Variants in CNGA1 observed in about 807,000 individuals in gnomAD.
CNGA1 encodes cyclic nucleotide gated channel subunit alpha 1, also known as cyclic nucleotide-gated channel alpha-1.
Under a neutral mutation model 69.7 loss-of-function variants are expected in CNGA1, and 53 were observed. The observed-to-expected ratio is 0.76, with a 90% CI of 0.61 to 0.96. CNGA1 has a LOEUF of 0.96. Among genes scored for constraint, CNGA1 ranks in the 40% least tolerant of loss-of-function variants. CNGA1 has a pLI of 0.00. For missense variants in CNGA1, 739 were observed against 811.2 expected (o/e 0.91, Z 1.08); for synonymous variants, 249 against 283.5 (o/e 0.88, Z 1.22).
chr4:47,991,385 G>A (rs1034726914), intron 2 of CNGA1, among the ~76,000 whole-genome samples: 2 of 152,188 alleles, frequency 1.3e-5, no homozygotes, highest in African/African-American at 2.4e-5. Flanking sequence ...ATTTCGCATT[G>A]TGGTTTTGAT....
Position 48,000,938 on chromosome 4 carries a change from G to A in CNGA1, c.-123+9856C>T, listed in dbSNP as rs1440227278. 4.6e-5 allele frequency among the ~76,000 whole-genome samples: 7 copies of A among 152,086 alleles called. No homozygotes were observed. The East Asian group carries it at 1.3e-3, about 29-fold the overall frequency. ...CAAACAAAAACTGGGAGAACTTATT[G>A]CCAGCAAATCTACATTATAGGAAAT... On this transcript the variant is annotated intron_variant, in intron 2 of 10. Transcript: ENST00000514170.
chr4:48,012,383 A>T (rs1715201336), intron 1 of CNGA1, among the ~76,000 whole-genome samples: 1 of 152,112 alleles, frequency 6.6e-6, no homozygotes, highest in South Asian at 2.1e-4. Flanking sequence ...AAAAAAAACA[A>T]AGGCACAACC....
chr4:48,012,394 T>G (rs1466662122), intron 1 of CNGA1, among the ~76,000 whole-genome samples: 1 of 152,084 alleles, frequency 6.6e-6, no homozygotes, highest in Non-Finnish European at 1.5e-5. Context: ...AGGCACAACC[T>G]TAGCTATCGG....
At chr4:47,979,004 GTAGCTATAT>G (rs1399460720) in intron 3 of CNGA1, among the ~76,000 whole-genome samples, 1 of 152,084 alleles carries the variant, frequency 6.6e-6, no homozygotes, top group African/African-American at 2.4e-5. Context: ...AGACTATCAA[GTAGCTATAT>G]TAGCATTGTT....
chr4:47,990,727 T>C (rs1222741749), intron 2 of CNGA1, among the ~76,000 whole-genome samples: 5 of 152,160 alleles, frequency 3.3e-5, no homozygotes, highest in African/African-American at 1.2e-4. Context: ...GAGGCCCAGC[T>C]GTAAAATTTC....
chr4:48,015,196 C>CCAAA (rs769220424), intron 1 of CNGA1, among the ~76,000 whole-genome samples: 1,850 of 152,104 alleles, frequency 0.012, 18 homozygotes, highest in Non-Finnish European at 0.014. Context: ...CCAAACCAAG[C>CCAAA]CAAACAAACA....
intron 2 of CNGA1, among the ~76,000 whole-genome samples, chr4:47,992,602 A>G (rs1380562631): frequency 1.3e-5 from 2 of 152,058 alleles, no homozygotes; most frequent in African/African-American, 2.4e-5. Context: ...AAACAATCAT[A>G]CCATCAGCAA....
intron 3 of CNGA1, among the ~76,000 whole-genome samples, chr4:47,956,626 C>CTT (rs1222551318): frequency 6.6e-6 from 1 of 152,102 alleles, no homozygotes; most frequent in Non-Finnish European, 1.5e-5. Context: ...TGAACAAATT[C>CTT]TTTTCCTGAT....
At chr4:47,965,779 T>G (rs1049029873) in intron 3 of CNGA1, among the ~76,000 whole-genome samples, 1 of 152,146 alleles carries the variant, frequency 6.6e-6, no homozygotes, top group Non-Finnish European at 1.5e-5. Flanking sequence ...TAGTATTTTA[T>G]TTTGAATTTT....
At chr4:47,964,381 C>G (rs950850980) in intron 3 of CNGA1, among the ~76,000 whole-genome samples, 1 of 152,116 alleles carries the variant, frequency 6.6e-6, no homozygotes, top group African/African-American at 2.4e-5. Context: ...ATGAGTCCTT[C>G]TCTTGTCCTA....
chr4:47,943,442 T>C, intron 6 of CNGA1, 30 bp from the exon 7 acceptor site: 1 of 1,243,410 alleles, frequency 8.0e-7, no homozygotes. Flanking sequence ...ATCTGTCACA[T>C]AATCACAGTC....
chr4:47,947,730 A>C (rs1352199701), intron 6 of CNGA1, among the ~76,000 whole-genome samples: 4 of 152,190 alleles, frequency 2.6e-5, no homozygotes. Flanking sequence ...ATACATGTGT[A>C]AAAGGACTCG....
chr4:47,965,589 G>A (rs1740681397), intron 3 of CNGA1, among the ~76,000 whole-genome samples: 2 of 151,878 alleles, frequency 1.3e-5, no homozygotes. Context: ...ACCAGGCCCG[G>A]CTAATTTTTG....
At position 47,984,403 on chromosome 4, in the gene CNGA1, A is replaced by C. The variant is rs1446000061; in HGVS notation, c.-122-2903T>G. Among the ~76,000 whole-genome samples the C allele has an allele frequency of 3.9e-5, 6 of 152,178 alleles. No individual in the cohort carries two copies. In the South Asian group the frequency reaches 1.2e-3, roughly 32 times the overall value. On this transcript the variant is annotated intron_variant, in intron 2 of 10. Transcript: ENST00000514170. ...GAGGTGGAGGCAGGTGGATCACACA[A>C]GGTCAGAATTTTGAGACCAGCCTGG...
intron 2 of CNGA1, among the ~76,000 whole-genome samples, chr4:47,991,318 C>A (rs1167226975): frequency 6.6e-6 from 1 of 152,164 alleles, no homozygotes; most frequent in Admixed American, 6.6e-5. Context: ...ATGCAAACAT[C>A]TACTATTTTC....
intron 3 of CNGA1, among the ~76,000 whole-genome samples, chr4:47,975,408 C>T (rs1420531718): frequency 6.6e-6 from 1 of 152,150 alleles, no homozygotes; most frequent in Non-Finnish European, 1.5e-5. Flanking sequence ...TAATCATTAT[C>T]ATCATCTTCA....
intron 3 of CNGA1, among the ~76,000 whole-genome samples, chr4:47,962,759 C>T (rs1319003850): frequency 1.3e-5 from 2 of 151,994 alleles, no homozygotes; most frequent in Non-Finnish European, 2.9e-5. Flanking sequence ...ATGAGAAATC[C>T]AAAACATATT....
chr4:47,952,643 G>T lies in CNGA1; in HGVS notation c.47C>A (p.Pro16His). ...TTCAATATCTGGTACAATCACATTG[G>T]GCATGGTTACAAAAGACTGCTGTGT... The part of the protein sequence containing the change: ...INTQQSFVTM[P>H]NVIVPDIEKE... Residue 16 changes from proline to histidine, a missense_variant, in exon 4 of 11, where the codon CCC becomes CAC. Physicochemically the swap from Pro to His is moderately conservative, Grantham distance 77 (BLOSUM62 -2). Transcript: ENST00000514170. 6.2e-7 allele frequency: 1 copy of T among 1,608,134 alleles called. No homozygotes were observed. The highest frequency in any genetic ancestry group is 8.5e-7 in the Non-Finnish European group (1 of 1,175,970).
intron 9 of CNGA1, among the ~76,000 whole-genome samples, chr4:47,941,608 C>T (rs1376876335): frequency 6.6e-6 from 1 of 152,090 alleles, no homozygotes; most frequent in Non-Finnish European, 1.5e-5. Context: ...TAACAACAGA[C>T]ACTGGGGTCT....
Sources: gnomAD v4.1 joint callset for allele counts (sites outside exome capture counted in the v4.1 genomes callset) on GRCh38, gnomAD v4.1.1 for gene constraint, MANE v1.5 for transcripts, NCBI Gene and HGNC (gene_info 2026-07-23, HGNC 2026-07-21) for gene names.